Variants in ABI3 observed in about 807,000 individuals in gnomAD.
The protein encoded by ABI3 is ABI family member 3.
Under a neutral mutation model 37.0 loss-of-function variants are expected in ABI3, and 24 were observed. The observed-to-expected ratio is 0.65, with a 90% CI of 0.47 to 0.91. The LOEUF (loss-of-function observed/expected upper bound fraction) is 0.91. Ranked by LOEUF, ABI3 falls within the 40% of genes least tolerant of loss-of-function variation. ABI3 has a pLI of 0.00. For missense variants in ABI3, 481 were observed against 485.1 expected, an observed-to-expected ratio of 0.99 and a Z score of 0.08; for synonymous variants, 220 against 211.8, an observed-to-expected ratio of 1.04 and a Z score of -0.34.
Position 49,222,124 on chromosome 17 carries a change from C to T in ABI3, c.836C>T (p.Pro279Leu). ...CTGCCCCTGCCACTGGACCTGCCTC[C>T]TCCTCCACCCCTGGATGGAGATGAA... ...EELPLPLDLPPPPPLDGDELG... is the reference protein window; with the variant it reads ...EELPLPLDLPLPPPLDGDELG... The change falls in exon 7 of 8, where the codon CCT becomes CTT. Residue 279 changes from proline to leucine, a missense_variant. Pro to Leu is a moderately conservative substitution (Grantham distance 98). Transcript: ENST00000225941. 6.2e-7 allele frequency: 1 copy of T among 1,612,682 alleles called. No homozygotes were observed. Among genetic ancestry groups the T allele is most frequent in the Non-Finnish European group, 8.5e-7 (1 of 1,179,296 alleles).
At position 49,217,781 on chromosome 17, in the gene ABI3, G is replaced by A. The variant is rs761778675; in HGVS notation, c.328G>A (p.Gly110Ser). The A allele has an allele frequency of 6.8e-6, 11 of 1,611,166 alleles. No homozygotes were observed. The highest frequency in any genetic ancestry group is 9.3e-6 in the Non-Finnish European group (11 of 1,178,816). Residue 110 changes from glycine to serine, a missense_variant, in exon 3 of 8, where the codon GGC becomes AGC. Gly to Ser is a moderately conservative substitution (Grantham distance 56). Coordinates refer to ENST00000225941, the MANE Select transcript of ABI3 (RefSeq NM_016428.3). ...GGAGAAGGTGGCCCGAAGGGAGATC[G>A]GCACCTTAGCCACTGTCCAGCGGCT... The part of the protein sequence containing the change: ...HMEKVARREI[G>S]TLATVQRLPP...
Position 49,222,765 on chromosome 17 carries a change from G to C in ABI3, c.*50G>C. The C allele has an allele frequency of 6.6e-7, 1 of 1,520,462 alleles. No individual in the cohort carries two copies. The highest frequency in any genetic ancestry group is 2.3e-4 in the Middle Eastern group (1 of 4,396). The allele number at this position is 1,520,462 out of a possible 1,614,324, so 94.2% of individuals were successfully genotyped here. On this transcript the variant is annotated 3_prime_UTR_variant, in exon 8 of 8. Coordinates refer to ENST00000225941, the MANE Select transcript of ABI3 (RefSeq NM_016428.3). ...GATGTCTGCACTGAGTGGGTTTCAT[G>C]AGCCCCAAGCCAAAACCAGCTCCAG...
At chr17:49,211,827 A>T (rs2043170672) in intron 1 of ABI3, among the ~76,000 whole-genome samples, 1 of 152,170 alleles carries the variant, frequency 6.6e-6, no homozygotes, top group Non-Finnish European at 1.5e-5. Context: ...TATTTTTAGT[A>T]GAGACAGGGT....
At position 49,219,870 on chromosome 17, in the gene ABI3, GATTC is replaced by G. The variant is rs773638825; in HGVS notation, c.562_565del (p.Ile188ProfsTer126). ...TGCCCCCCGCCAGGAGACCACCCCG[GATTC>G]CCGAGCCAGTGCACCTGCCGGTGGT... On this transcript the variant is annotated frameshift_variant, in exon 5 of 8. Transcript: ENST00000225941. LOFTEE classifies it high-confidence loss of function. This position sits in a 1 kb window ranked among gnomAD's most constrained non-coding sequence, Gnocchi z 4.3. 9.1e-6 allele frequency: 14 copies of G among 1,544,620 alleles called. No homozygotes were observed. The highest frequency in any genetic ancestry group is 1.9e-5 in the Admixed American group (1 of 51,718).
rs1598244333 is a variant in ABI3 at position 49,219,674 on chromosome 17, C to A, written c.548+49C>A. On this transcript the variant is annotated intron_variant, in intron 4 of 7. Transcript: ENST00000225941. The surrounding 1 kb of genome is among the most constrained non-coding windows in gnomAD (Gnocchi z 4.3). ...CTAGCCTAGCCCTGCCCCGCGCGAC[C>A]CTGAAACTCTCCTCCCCCAGCCTCG... 2 of 1,520,968 alleles carry A rather than the reference C, an allele frequency of 1.3e-6. No individual in the cohort carries two copies. The highest frequency in any genetic ancestry group is 4.8e-5 in the East Asian group (2 of 41,650). 94.2% of individuals were successfully genotyped at this position (1,520,968 alleles called of 1,614,324 possible).
chr17:49,215,346 G>T (rs140103329), intron 1 of ABI3, among the ~76,000 whole-genome samples: 1 of 152,134 alleles, frequency 6.6e-6, no homozygotes, highest in Admixed American at 6.5e-5. Flanking sequence ...CGTAGGCCAC[G>T]GTTAGAAGCT....
chr17:49,211,825 G>C (rs1362770976), intron 1 of ABI3, among the ~76,000 whole-genome samples: 3 of 152,162 alleles, frequency 2.0e-5, no homozygotes, highest in Middle Eastern at 3.4e-3. Context: ...TATATTTTTA[G>C]TAGAGACAGG....
chr17:49,221,250 CA>C (rs2043283726), intron 6 of ABI3, among the ~76,000 whole-genome samples: 1 of 151,526 alleles, frequency 6.6e-6, no homozygotes, highest in African/African-American at 2.4e-5. Flanking sequence ...GTGGGCGGAT[CA>C]CGAGGTCAGG....
At chr17:49,212,124 T>A (rs1029537174) in intron 1 of ABI3, among the ~76,000 whole-genome samples, 30 of 152,190 alleles carry the variant, frequency 2.0e-4, no homozygotes, top group Non-Finnish European at 3.8e-4. Flanking sequence ...GCTAATTTTT[T>A]AAATTTTTTT....
At chr17:49,211,302 G>A (rs1405808033) in intron 1 of ABI3, among the ~76,000 whole-genome samples, 1 of 152,224 alleles carries the variant, frequency 6.6e-6, no homozygotes, top group Admixed American at 6.5e-5. Context: ...TTGGGAAAGG[G>A]AGAGTGGGGA....
At chr17:49,221,605 G>A (rs1377331057) in intron 6 of ABI3, among the ~76,000 whole-genome samples, 3 of 152,352 alleles carry the variant, frequency 2.0e-5, no homozygotes, top group Middle Eastern at 3.4e-3. Flanking sequence ...GAGTCTGACC[G>A]TCCTCTACTG....
chr17:49,219,475 TG>T lies in ABI3; in HGVS notation c.463-61del, dbSNP rs1443943634. 4 of 1,385,760 alleles carry T rather than the reference TG, an allele frequency of 2.9e-6. No individual in the cohort carries two copies. Among genetic ancestry groups the T allele is most frequent in the Admixed American group, 2.2e-5 (1 of 46,086 alleles). The allele number at this position is 1,385,760 out of a possible 1,614,324, so 85.8% of individuals were successfully genotyped here. The stretch of plus-strand genomic sequence containing the variant: ...CGTCCGCCCCTCCTCCATTTCCTCT[TG>T]GGGATGAGGGTGGAGGGAGGCCCCT... On this transcript the variant is annotated intron_variant, in intron 3 of 7. Coordinates refer to ENST00000225941, the MANE Select transcript of ABI3 (RefSeq NM_016428.3). The surrounding 1 kb of genome is among the most constrained non-coding windows in gnomAD (Gnocchi z 4.3).
Position 49,222,836 on chromosome 17 carries a change from TTC to T in ABI3, c.*123_*124del. On this transcript the variant is annotated 3_prime_UTR_variant, in exon 8 of 8. Coordinates refer to ENST00000225941, the MANE Select transcript of ABI3 (RefSeq NM_016428.3). ...CCCACCTCTTGGGCTGTGAGCTGTG[TTC>T]TGTCCTTCCTCCCATCGGAGGGAGA... The T allele has an allele frequency of 2.6e-6, 3 of 1,154,398 alleles. No individual in the cohort carries two copies. Among genetic ancestry groups the T allele is most frequent in the Non-Finnish European group, 3.6e-6 (3 of 834,918 alleles). 71.5% of individuals were successfully genotyped at this position (1,154,398 alleles called of 1,614,324 possible). A position where few individuals can be genotyped will look rare whatever the true frequency, so the allele number is the denominator to read the frequency against.
chr17:49,223,118 C>G lies in ABI3; in HGVS notation c.*403C>G, dbSNP rs1158925413. The stretch of plus-strand genomic sequence containing the variant: ...CCCAACCTCCAACCCACCAGCTGAC[C>G]TAGAAGCAGCATCTTCCCATTTCCT... On this transcript the variant is annotated 3_prime_UTR_variant, in exon 8 of 8. Transcript: ENST00000225941. The G allele has an allele frequency of 2.4e-6, 1 of 418,552 alleles. No homozygotes were observed. Among genetic ancestry groups the G allele is most frequent in the Non-Finnish European group, 4.2e-6 (1 of 237,994 alleles). 25.9% of individuals were successfully genotyped at this position (418,552 alleles called of 1,614,324 possible).
intron 3 of ABI3, among the ~76,000 whole-genome samples, chr17:49,218,524 A>G (rs113715305): frequency 0.022 from 3,357 of 152,162 alleles, 151 homozygotes; most frequent in African/African-American, 0.077. Context: ...TTAACTTATC[A>G]GCCCCCCTTA....
intron 1 of ABI3, among the ~76,000 whole-genome samples, chr17:49,214,531 A>C (rs1309978862): frequency 6.6e-6 from 1 of 152,160 alleles, no homozygotes; most frequent in African/African-American, 2.4e-5. Context: ...CAGCATGGAG[A>C]AACCGCATCT....
At chr17:49,218,157 G>GC (rs375535261) in intron 3 of ABI3, among the ~76,000 whole-genome samples, 5 of 152,222 alleles carry the variant, frequency 3.3e-5, no homozygotes, top group African/African-American at 1.2e-4. Context: ...AGCACCCCTC[G>GC]CCCCCCCGCC....
intron 6 of ABI3, 47 bp downstream of exon 6, chr17:49,220,373 G>A: frequency 6.6e-7 from 1 of 1,523,428 alleles, no homozygotes; most frequent in Non-Finnish European, 8.8e-7. Context: ...TCGCTTTTCT[G>A]CCTCCTGCCA....
chr17:49,219,716 C>T lies in ABI3; in HGVS notation c.548+91C>T. 7.1e-7 allele frequency: 1 copy of T among 1,415,686 alleles called. No individual in the cohort carries two copies. The highest frequency in any genetic ancestry group is 9.7e-7 in the Non-Finnish European group (1 of 1,033,320). The allele number at this position is 1,415,686 out of a possible 1,614,324, so 87.7% of individuals were successfully genotyped here. ...CCAGCCTCGCCACCCACCCCTGGCGCCCCCGGGTGCTCAGGCCGTCATGCT... is the reference window on the plus strand; with the variant it reads ...CCAGCCTCGCCACCCACCCCTGGCGTCCCCGGGTGCTCAGGCCGTCATGCT... On this transcript the variant is annotated intron_variant, in intron 4 of 7. Coordinates refer to ENST00000225941, the MANE Select transcript of ABI3 (RefSeq NM_016428.3). This position sits in a 1 kb window ranked among gnomAD's most constrained non-coding sequence, Gnocchi z 4.3.
Sources: gnomAD v4.1 joint callset for allele counts (sites outside exome capture counted in the v4.1 genomes callset) on GRCh38, gnomAD v4.1.1 for gene constraint, Gnocchi (gnomAD v3.1) non-coding constraint, MANE v1.5 for transcripts, NCBI Gene and HGNC (gene_info 2026-07-23, HGNC 2026-07-21) for gene names.